Variants in ASCC3 observed in about 807,000 individuals in gnomAD.
ASCC3 encodes ASC-1 complex subunit P200.
ASCC3 carries 158 observed loss-of-function variants against 256.3 expected under a neutral mutation model. That is an observed-to-expected ratio of 0.62 (90% CI 0.54 to 0.70). ASCC3 has a LOEUF of 0.70. Ranked by LOEUF, ASCC3 falls within the 30% of genes least tolerant of loss-of-function variation. The probability of loss-of-function intolerance (pLI) is 0.00; values close to 1 mark genes in which losing one functional copy is unlikely to be tolerated. For missense variants in ASCC3, 2,259 were observed against 2,626.0 expected (o/e 0.86, Z 3.05); for synonymous variants, 948 against 883.4 (o/e 1.07, Z -1.30).
intron 8 of ASCC3, among the ~76,000 whole-genome samples, chr6:100,776,113 C>T (rs1453153948): frequency 6.6e-6 from 1 of 152,058 alleles, no homozygotes; most frequent in African/African-American, 2.4e-5. Flanking sequence ...TTCCTGCACA[C>T]ACAATACCTA....
chr6:100,597,600 T>A (rs1363875703), intron 34 of ASCC3, among the ~76,000 whole-genome samples: 1 of 151,884 alleles, frequency 6.6e-6, no homozygotes, highest in Non-Finnish European at 1.5e-5. Flanking sequence ...AGAATAATAA[T>A]GACAGCCCAG....
intron 4 of ASCC3, among the ~76,000 whole-genome samples, chr6:100,846,804 A>G (rs1037623404): frequency 3.3e-5 from 5 of 152,096 alleles, no homozygotes; most frequent in East Asian, 3.9e-4. Flanking sequence ...TATAAAATCT[A>G]TGACTTGTTC....
chr6:100,576,812 T>C (rs1473603771), intron 36 of ASCC3, among the ~76,000 whole-genome samples: 1 of 151,802 alleles, frequency 6.6e-6, no homozygotes, highest in Non-Finnish European at 1.5e-5. Flanking sequence ...TACTATCATT[T>C]AAGGATGACA....
At chr6:100,516,146 G>A (rs2114610371) in intron 39 of ASCC3, 34 bp downstream of exon 39, 3 of 1,613,010 alleles carry the variant, frequency 1.9e-6, no homozygotes, top group Non-Finnish European at 2.5e-6. Context: ...CTCAGAGTAG[G>A]GGAGCCTTCA....
At chr6:100,662,558 G>A in intron 14 of ASCC3, 22 bp from the exon 15 acceptor site, 1 of 1,609,458 alleles carries the variant, frequency 6.2e-7, no homozygotes, top group Non-Finnish European at 8.5e-7. Context: ...GAAAGCGTAA[G>A]AGTATTATTT....
Position 100,800,379 on chromosome 6 carries a change from G to A in ASCC3, c.1048C>T (p.Arg350Ter), listed in dbSNP as rs748007902. The A allele has an allele frequency of 4.3e-6, 7 of 1,612,460 alleles. No homozygotes were observed. Among genetic ancestry groups the A allele is most frequent in the Admixed American group, 1.7e-5 (1 of 59,848 alleles). The change falls in exon 6 of 42, where the codon CGA (arginine) becomes TGA (stop). Residue 350 changes from arginine (R) to a stop codon, truncating the protein, a stop_gained. Coordinates refer to ENST00000369162, the MANE Select transcript of ASCC3 (RefSeq NM_006828.4). LOFTEE classifies it high-confidence loss of function. ...YRREEKRIARREKKAGEDLEV... is the reference protein window; with the variant it reads ...YRREEKRIAR ...AAATCTTCTCCAGCCTTTTTTTCTC[G>A]TCTGGCAATTCTTTTTTCTTCACGT...
At chr6:100,541,285 C>CA (rs1459288516) in intron 36 of ASCC3, among the ~76,000 whole-genome samples, 5 of 148,168 alleles carry the variant, frequency 3.4e-5, no homozygotes, top group East Asian at 2.0e-4. Flanking sequence ...CAACTTCCTC[C>CA]AAAAAATTAA....
chr6:100,638,871 A>G, intron 24 of ASCC3, 50 bp from the exon 25 acceptor site: 1 of 1,329,460 alleles, frequency 7.5e-7, no homozygotes, highest in Non-Finnish European at 1.1e-6. Context: ...AACACGCATA[A>G]TACTGAATAC....
intron 31 of ASCC3, 25 bp downstream of exon 31, chr6:100,606,926 G>A: frequency 6.2e-7 from 1 of 1,612,074 alleles, no homozygotes. Flanking sequence ...ATTTAAATAT[G>A]TGTTCACTGG....
chr6:100,694,814 C>CCATACATA (rs1467997929), intron 13 of ASCC3, among the ~76,000 whole-genome samples: 1 of 151,930 alleles, frequency 6.6e-6, no homozygotes, highest in Non-Finnish European at 1.5e-5. Context: ...GGAAGCTATT[C>CCATACATA]CATACATATA....
intron 37 of ASCC3, among the ~76,000 whole-genome samples, chr6:100,531,369 A>G (rs1774863894): frequency 6.6e-6 from 1 of 152,138 alleles, no homozygotes. Context: ...TGAGGTTTCC[A>G]TTCTTGCATA....
rs189630055 is a variant in ASCC3, at chr6:100,525,815, A to G, written c.5776-7673T>C. Among the ~76,000 whole-genome samples, 1,047 of 152,328 alleles carry G rather than the reference A, an allele frequency of 6.9e-3. 1 individual carries two copies. The highest frequency in any genetic ancestry group is 0.011 in the Non-Finnish European group (779 of 68,030). The stretch of plus-strand genomic sequence containing the variant: ...TGGAAATGTAAAACTATTCTCAAGC[A>G]AAAAGTTTATTTAAAAAAATTACGG... On this transcript the variant is annotated intron_variant, in intron 37 of 41. Coordinates refer to ENST00000369162, the MANE Select transcript of ASCC3 (RefSeq NM_006828.4).
At chr6:100,570,171 T>C (rs1012022038) in intron 36 of ASCC3, among the ~76,000 whole-genome samples, 2 of 152,224 alleles carry the variant, frequency 1.3e-5, no homozygotes, top group African/African-American at 4.8e-5. Flanking sequence ...TTGGTTTTAA[T>C]ATTCTTCTGG....
At chr6:100,647,202 C>A in intron 21 of ASCC3, 24 bp downstream of exon 21, 1 of 1,562,388 alleles carries the variant, frequency 6.4e-7, no homozygotes, top group South Asian at 1.1e-5. Flanking sequence ...ACAATACATT[C>A]AAACATATTT....
chr6:100,557,910 T>G (rs1562117250), intron 36 of ASCC3, among the ~76,000 whole-genome samples: 1 of 151,850 alleles, frequency 6.6e-6, no homozygotes, highest in African/African-American at 2.4e-5. Flanking sequence ...CCCAAAAAAA[T>G]GTGTCTCTTG....
At chr6:100,569,128 CTT>C (rs999036810) in intron 36 of ASCC3, among the ~76,000 whole-genome samples, 3 of 152,062 alleles carry the variant, frequency 2.0e-5, no homozygotes, top group Non-Finnish European at 4.4e-5. Context: ...AAATTTAAAT[CTT>C]TAATACACCT....
At chr6:100,661,323 T>TCGCACACACA (rs1435976050) in intron 16 of ASCC3, among the ~76,000 whole-genome samples, 54 of 141,620 alleles carry the variant, frequency 3.8e-4, no homozygotes, top group East Asian at 2.9e-3. Context: ...AACACAAAAG[T>TCGCACACACA]CACACACACA....
chr6:100,606,634 A>T, intron 32 of ASCC3, 106 bp downstream of exon 32: 2 of 1,291,874 alleles, frequency 1.5e-6, no homozygotes, highest in Non-Finnish European at 2.1e-6. Flanking sequence ...AAATGTGACC[A>T]ATTCTCAGAA....
rs1240279012 is a variant in ASCC3, at chr6:100,509,266, T to C, written c.*120A>G. On this transcript the variant is annotated 3_prime_UTR_variant, in exon 42 of 42. Coordinates refer to ENST00000369162, the MANE Select transcript of ASCC3 (RefSeq NM_006828.4). ...AATACTGCAGCCACTGTCAATTTCCTGGATGGTTGAGGTTAGAAGTTGATT... is the reference window on the plus strand; with the variant it reads ...AATACTGCAGCCACTGTCAATTTCCCGGATGGTTGAGGTTAGAAGTTGATT... 3.6e-6 allele frequency: 5 copies of C among 1,370,086 alleles called. No individual in the cohort carries two copies. In the Admixed American group the frequency reaches 6.7e-5, roughly 18 times the overall value. The allele number at this position is 1,370,086 out of a possible 1,614,324, so 84.9% of individuals were successfully genotyped here.
Sources: allele counts gnomAD v4.1 joint callset (sites outside exome capture counted in the v4.1 genomes callset), GRCh38; gene constraint gnomAD v4.1.1; transcripts MANE v1.5; gene names NCBI Gene and HGNC (gene_info 2026-07-23, HGNC 2026-07-21).